Variants in SLC5A2 observed in about 807,000 individuals in gnomAD.
The protein encoded by SLC5A2 is sodium/glucose cotransporter 2.
Under a neutral mutation model 69.0 loss-of-function variants are expected in SLC5A2, and 67 were observed. The observed-to-expected ratio is 0.97, with a 90% CI of 0.80 to 1.19. SLC5A2 has a LOEUF of 1.19. SLC5A2 is among the 50% of genes most tolerant of loss of function. The pLI is 0.00. For synonymous variants in SLC5A2, 455 were observed against 395.8 expected, an observed-to-expected ratio of 1.15 and a Z score of -1.78; for missense variants, 1,001 against 921.5, an observed-to-expected ratio of 1.09 and a Z score of -1.12.
In SLC5A2 at chr16:31,486,214, C is replaced by A; in HGVS notation, c.513C>A (p.Gly171=). Residue 171 remains glycine, a synonymous_variant, in exon 5 of 14, where the codon GGC becomes GGA. Transcript: ENST00000330498. ...SGAVFIQQAL[G]WNIYASVIAL... Reference sequence around the variant, plus strand: ...CTGTATTCATCCAGCAGGCTCTGGGCTGGAACATCTATGCCTCCGTCATCG... The same window carrying A: ...CTGTATTCATCCAGCAGGCTCTGGGATGGAACATCTATGCCTCCGTCATCG... 1 of 1,614,044 alleles carries A rather than the reference C, an allele frequency of 6.2e-7. No individual in the cohort carries two copies. Among genetic ancestry groups the A allele is most frequent in the African/African-American group, 1.3e-5 (1 of 75,042 alleles).
In SLC5A2 at chr16:31,487,043, T is replaced by TCAAAAACAAAAA. The variant is rs5816530; in HGVS notation, c.575-266_575-255dup. Among the ~76,000 whole-genome samples, 230 of 150,360 alleles carry TCAAAAACAAAAA rather than the reference T, an allele frequency of 1.5e-3. 4 individuals are homozygous for TCAAAAACAAAAA. The East Asian group carries it at 0.038, about 25-fold the overall frequency. ...CTGGGCGACAGGGCAAGACTCCATC[T>TCAAAAACAAAAA]CAAAAACAAAAACAAAAACAAACAA... On this transcript the variant is annotated intron_variant, in intron 5 of 13. Transcript: ENST00000330498.
At position 31,485,770 on chromosome 16, in the gene SLC5A2, C is replaced by T. The variant is rs779593918; in HGVS notation, c.345C>T (p.Pro115=). The change falls in exon 4 of 14, where the codon CCC becomes CCT. Residue 115 remains proline, a synonymous_variant. Transcript: ENST00000330498. ...VVLLLGWLFA[P]VYLTAGVITM... is the part of the protein sequence containing the mutation. The stretch of plus-strand genomic sequence containing the variant: ...TGCTACTGGGCTGGCTGTTTGCACC[C>T]GTGTACCTGACAGCGGGGGTCATCA... 15 of 1,613,644 alleles carry T rather than the reference C, an allele frequency of 9.3e-6. No individual in the cohort carries two copies. In the South Asian group the frequency reaches 9.9e-5, roughly 11 times the overall value.
chr16:31,489,018 G>A lies in SLC5A2; in HGVS notation c.1419G>A (p.Leu473=). 5 of 1,600,574 alleles carry A rather than the reference G, an allele frequency of 3.1e-6. No homozygotes were observed. The highest frequency in any genetic ancestry group is 2.2e-5 in the East Asian group (1 of 44,876). Reference sequence around the variant, plus strand: ...CGCCCGTGTCCGCCGTCTTCGTGCTGGCGCTCTTCGTGCCGCGCGTTAATG... The same window carrying A: ...CGCCCGTGTCCGCCGTCTTCGTGCTAGCGCTCTTCGTGCCGCGCGTTAATG... ...LAPPVSAVFV[L]ALFVPRVNEQ... Residue 473 remains leucine, a synonymous_variant, in exon 11 of 14, where the codon CTG becomes CTA. Coordinates refer to ENST00000330498, the MANE Select transcript of SLC5A2 (RefSeq NM_003041.4).
intron 1 of SLC5A2, 83 bp downstream of exon 1, chr16:31,483,345 G>C: frequency 6.4e-7 from 1 of 1,557,416 alleles, no homozygotes; most frequent in Non-Finnish European, 8.8e-7. Context: ...CTAGGTGGGA[G>C]AATGATGCTT....
chr16:31,488,224 G>T (rs1164665585), intron 8 of SLC5A2, 51 bp downstream of exon 8: 1 of 1,613,402 alleles, frequency 6.2e-7, no homozygotes, highest in Admixed American at 1.7e-5. Context: ...GGCGCCCGTC[G>T]CCCAGTTCCG....
In SLC5A2 at chr16:31,489,317, C is replaced by A; in HGVS notation, c.1644C>A (p.Thr548=). ...TCACCCTCACGGTCTCCCTGTGCAC[C>A]GCGCCCATCCCCAGAAAGCACGTGA... ...GLLTLTVSLC[T]APIPRKHLHR... is the part of the protein sequence containing the mutation. The change falls in exon 12 of 14, where the codon ACC becomes ACA. Residue 548 remains threonine, a synonymous_variant. Coordinates refer to ENST00000330498, the MANE Select transcript of SLC5A2 (RefSeq NM_003041.4). 1.2e-6 allele frequency: 2 copies of A among 1,609,182 alleles called. No individual in the cohort carries two copies. The highest frequency in any genetic ancestry group is 2.2e-5 in the South Asian group (2 of 91,084).
chr16:31,487,191 C>T (rs1246387597), intron 5 of SLC5A2, 129 bp from the exon 6 acceptor site: 3 of 929,402 alleles, frequency 3.2e-6, no homozygotes, highest in East Asian at 4.8e-5. Flanking sequence ...GCCCCGAGAA[C>T]AGGCTATCGT....
In SLC5A2 at chr16:31,487,686, C is replaced by T; in HGVS notation, c.812C>T (p.Thr271Ile). The change falls in exon 7 of 14, where the codon ACC becomes ATC. Residue 271 changes from threonine (T) to isoleucine (I), a missense_variant. Coordinates refer to ENST00000330498, the MANE Select transcript of SLC5A2 (RefSeq NM_003041.4). ...TACCACCTGCTCCGGCACCCCGTGACCGGGGATCTGCCGTGGCCCGCGCTG... is the reference window on the plus strand; with the variant it reads ...TACCACCTGCTCCGGCACCCCGTGATCGGGGATCTGCCGTGGCCCGCGCTG... Reference protein sequence around the residue: ...DSYHLLRHPVTGDLPWPALLL... With the variant: ...DSYHLLRHPVIGDLPWPALLL... 2 of 1,613,584 alleles carry T rather than the reference C, an allele frequency of 1.2e-6. No homozygotes were observed. The highest frequency in any genetic ancestry group is 1.7e-6 in the Non-Finnish European group (2 of 1,180,004).
chr16:31,489,860 T>C lies in SLC5A2; in HGVS notation c.1666-244T>C, dbSNP rs74015546. The stretch of plus-strand genomic sequence containing the variant: ...GCTACCATCTGGGTGTAGACAGACC[T>C]GAGCTGACAAAGCTGGGGGAGCAAG... On this transcript the variant is annotated intron_variant, in intron 12 of 13. Transcript: ENST00000330498. 3,385 of 542,604 alleles carry C rather than the reference T, an allele frequency of 6.2e-3. 101 individuals are homozygous for C. The highest frequency in any genetic ancestry group is 0.057 in the African/African-American group (3,051 of 53,120). The allele number at this position is 542,604 out of a possible 1,614,324, so 33.6% of individuals were successfully genotyped here. A position where few individuals can be genotyped will look rare whatever the true frequency, so the allele number is the denominator to read the frequency against.
In SLC5A2 at chr16:31,483,174, TG is replaced by T; in HGVS notation, c.43del (p.Ala15ProfsTer5). The stretch of plus-strand genomic sequence containing the variant: ...ACAGAGGCAGGCTCGGCACCAGAGA[TG>T]GGGGCCCAGAAGGCCCTGATTGACA... Reference protein sequence around the residue: ...EHTEAGSAPEMGAQKALIDNP... With the variant: ...EHTEAGSAPEXGAQKALIDNP... On this transcript the variant is annotated frameshift_variant, in exon 1 of 14. Transcript: ENST00000330498. LOFTEE classifies it high-confidence loss of function. 6.2e-7 allele frequency: 1 copy of T among 1,613,744 alleles called. No homozygotes were observed. Among genetic ancestry groups the T allele is most frequent in the South Asian group, 1.1e-5 (1 of 91,070 alleles).
rs1351669395 is a variant in SLC5A2 at position 31,485,762 on chromosome 16, T to C, written c.337T>C (p.Phe113Leu). ...CGTGGTGCTGCTACTGGGCTGGCTG[T>C]TTGCACCCGTGTACCTGACAGCGGG... ...LFVVLLLGWL[F>L]APVYLTAGVI... Residue 113 changes from phenylalanine (F) to leucine (L), a missense_variant, in exon 4 of 14, where the codon TTT becomes CTT. Phe to Leu is a conservative substitution (Grantham distance 22, BLOSUM62 0). Coordinates refer to ENST00000330498, the MANE Select transcript of SLC5A2 (RefSeq NM_003041.4). 1 of 1,613,734 alleles carries C rather than the reference T, an allele frequency of 6.2e-7. No homozygotes were observed. The highest frequency in any genetic ancestry group is 8.5e-7 in the Non-Finnish European group (1 of 1,180,024).
chr16:31,484,512 C>T (rs1262437652), intron 1 of SLC5A2, among the ~76,000 whole-genome samples, 161 bp from the exon 2 acceptor site: 3 of 151,880 alleles, frequency 2.0e-5, no homozygotes, highest in Non-Finnish European at 4.4e-5. Flanking sequence ...GCCTGGGTTG[C>T]CCTGAGTGTC....
Position 31,486,285 on chromosome 16 carries a change from G to A in SLC5A2, c.574+10G>A. 1.2e-6 allele frequency: 2 copies of A among 1,606,446 alleles called. No individual in the cohort carries two copies. Among genetic ancestry groups the A allele is most frequent in the Non-Finnish European group, 1.7e-6 (2 of 1,173,388 alleles). On this transcript the variant is annotated intron_variant, in intron 5 of 13. Transcript: ENST00000330498. ...ATTTACACGGTGACAGGTGCCAGCAGGGGCTTAGGAAAGGGAGTGGGCCTG... is the reference window on the plus strand; with the variant it reads ...ATTTACACGGTGACAGGTGCCAGCAAGGGCTTAGGAAAGGGAGTGGGCCTG...
At position 31,485,845 on chromosome 16, in the gene SLC5A2, C is replaced by T; in HGVS notation, c.420C>T (p.Leu140=). The T allele has an allele frequency of 6.2e-7, 1 of 1,613,648 alleles. No individual in the cohort carries two copies. The highest frequency in any genetic ancestry group is 8.5e-7 in the Non-Finnish European group (1 of 1,180,032). ...GCTTCGGCGGCCGCCGCATCCGCCT[C>T]TACCTGTCTGTGCTCTCCCTTTTCC... ...RKRFGGRRIR[L]YLSVLSLFLY... is the part of the protein sequence containing the mutation. Residue 140 remains leucine, a synonymous_variant, in exon 4 of 14, where the codon CTC becomes CTT. Coordinates refer to ENST00000330498, the MANE Select transcript of SLC5A2 (RefSeq NM_003041.4).
chr16:31,484,885 G>A lies in SLC5A2; in HGVS notation c.265G>A (p.Ala89Thr), dbSNP rs886037850. 6.8e-6 allele frequency: 11 copies of A among 1,614,164 alleles called. No individual in the cohort carries two copies. The highest frequency in any genetic ancestry group is 4.5e-5 in the East Asian group (2 of 44,890). ...GHFVGLAGTGAASGLAVAGFE... is the reference protein window; with the variant it reads ...GHFVGLAGTGTASGLAVAGFE... ...CTTTGTGGGCCTGGCAGGGACTGGC[G>A]CTGCAAGTGGCTTGGCTGTTGCTGG... Residue 89 changes from alanine (A) to threonine (T), a missense_variant, in exon 3 of 14, where the codon GCT (alanine) becomes ACT (threonine). Coordinates refer to ENST00000330498, the MANE Select transcript of SLC5A2 (RefSeq NM_003041.4).
Position 31,488,508 on chromosome 16 carries a change from C to A in SLC5A2, c.1129+18C>A. 6.2e-7 allele frequency: 1 copy of A among 1,603,654 alleles called. No homozygotes were observed. The highest frequency in any genetic ancestry group is 8.5e-7 in the Non-Finnish European group (1 of 1,176,386). On this transcript the variant is annotated intron_variant, in intron 9 of 13. Coordinates refer to ENST00000330498, the MANE Select transcript of SLC5A2 (RefSeq NM_003041.4). Reference sequence around the variant, plus strand: ...GCCCAACGGTAAGGGCAGCCCCGGGCCACAGGCGCAAGCTCGCTGCGGAGC... The same window carrying A: ...GCCCAACGGTAAGGGCAGCCCCGGGACACAGGCGCAAGCTCGCTGCGGAGC...
intron 1 of SLC5A2, 139 bp from the exon 2 acceptor site, chr16:31,484,534 G>A: frequency 1.1e-6 from 1 of 880,156 alleles, no homozygotes; most frequent in Non-Finnish European, 1.9e-6. Context: ...GGGAGGAGTT[G>A]GGGGTGGGAG....
intron 12 of SLC5A2, 133 bp from the exon 13 acceptor site, chr16:31,489,971 T>C: frequency 2.4e-6 from 3 of 1,231,382 alleles, no homozygotes; most frequent in Non-Finnish European, 3.5e-6. Context: ...TGGCATGAGT[T>C]AAGCCTGGGC....
intron 5 of SLC5A2, 147 bp from the exon 6 acceptor site, chr16:31,487,173 G>T: frequency 1.2e-6 from 1 of 820,052 alleles, no homozygotes; most frequent in Non-Finnish European, 2.1e-6. Flanking sequence ...TGGTGCCTGC[G>T]TGCATGAGCC....
Sources: allele counts gnomAD v4.1 joint callset (sites outside exome capture counted in the v4.1 genomes callset), GRCh38; gene constraint gnomAD v4.1.1; transcripts MANE v1.5; gene names NCBI Gene and HGNC (gene_info 2026-07-23, HGNC 2026-07-21).